The following GPR158 variants were observed in gnomAD, a reference collection of about 807,000 sequenced individuals.
GPR158 encodes the protein metabotropic glycine receptor.
In GPR158, 30 loss-of-function variants were observed where a neutral mutation model predicts 78.2. That is an observed-to-expected ratio of 0.38 (90% CI 0.29 to 0.52). GPR158 has a LOEUF of 0.52. GPR158 is among the 20% of genes least tolerant of loss of function. The probability of loss-of-function intolerance (pLI) is 0.83; values close to 1 mark genes in which losing one functional copy is unlikely to be tolerated. For synonymous variants in GPR158, 581 were observed against 591.1 expected (o/e 0.98, Z 0.25); for missense variants, 1,463 against 1,523.5 (o/e 0.96, Z 0.66).
intron 3 of GPR158, among the ~76,000 whole-genome samples, chr10:25,411,546 T>C (rs577114441): frequency 6.6e-6 from 1 of 152,296 alleles, no homozygotes; most frequent in African/African-American, 2.4e-5. Context: ...CATAAAAGCA[T>C]CAACTTTCTT....
chr10:25,471,186 C>T (rs1835495392), intron 5 of GPR158, among the ~76,000 whole-genome samples: 1 of 150,814 alleles, frequency 6.6e-6, no homozygotes, highest in Non-Finnish European at 1.5e-5. Context: ...TCAATTCCCA[C>T]CTGTGAGTGA....
At chr10:25,262,141 T>C (rs980544428) in intron 2 of GPR158, among the ~76,000 whole-genome samples, 2 of 152,132 alleles carry the variant, frequency 1.3e-5, no homozygotes, top group Non-Finnish European at 2.9e-5. Context: ...TTGATTTTAG[T>C]GTCTACAAGA....
intron 2 of GPR158, among the ~76,000 whole-genome samples, chr10:25,382,473 T>G (rs1834168939): frequency 2.0e-5 from 3 of 152,214 alleles, no homozygotes; most frequent in Admixed American, 6.5e-5. Context: ...TCCTCTCTTC[T>G]GCCCCCAACC....
At chr10:25,368,651 C>T (rs1275851916) in intron 2 of GPR158, among the ~76,000 whole-genome samples, 4 of 151,824 alleles carry the variant, frequency 2.6e-5, no homozygotes, top group African/African-American at 4.8e-5. Context: ...TAAATTTGTT[C>T]GGCCATTGTG....
chr10:25,262,535 A>T (rs930265272), intron 2 of GPR158, among the ~76,000 whole-genome samples: 1 of 152,210 alleles, frequency 6.6e-6, no homozygotes, highest in East Asian at 1.9e-4. Context: ...ATTTCTAGGC[A>T]TTTTTTGTTT....
intron 2 of GPR158, among the ~76,000 whole-genome samples, chr10:25,242,410 A>G (rs935593535): frequency 1.3e-5 from 2 of 152,240 alleles, no homozygotes; most frequent in African/African-American, 4.8e-5. Context: ...ACAAATCTCA[A>G]TATTTTCTGA....
intron 2 of GPR158, among the ~76,000 whole-genome samples, chr10:25,240,798 T>TCTTTCTTCCAAA (rs1853593792): frequency 1.3e-5 from 2 of 152,226 alleles, no homozygotes; most frequent in Admixed American, 6.5e-5. Flanking sequence ...ATCTATCAAT[T>TCTTTCTTCCAAA]GGGAGTAGAG....
At chr10:25,235,101 AAGCTG>A (rs1853502370) in intron 2 of GPR158, among the ~76,000 whole-genome samples, 1 of 152,178 alleles carries the variant, frequency 6.6e-6, no homozygotes, top group Non-Finnish European at 1.5e-5. Context: ...GTATGTGTTG[AAGCTG>A]AGCTTGAGTT....
At chr10:25,437,949 T>C (rs1338635773) in intron 4 of GPR158, among the ~76,000 whole-genome samples, 1 of 152,092 alleles carries the variant, frequency 6.6e-6, no homozygotes, top group Non-Finnish European at 1.5e-5. Flanking sequence ...AGGTTGAAAA[T>C]ACAGAGAAAC....
At chr10:25,423,744 A>G (rs1022993732) in intron 4 of GPR158, among the ~76,000 whole-genome samples, 19 of 152,128 alleles carry the variant, frequency 1.2e-4, no homozygotes, top group Non-Finnish European at 2.6e-4. Context: ...ATAGTATTCC[A>G]TGGTGTATAT....
chr10:25,473,139 A>G (rs1278371759), intron 5 of GPR158, among the ~76,000 whole-genome samples: 1 of 151,790 alleles, frequency 6.6e-6, no homozygotes, highest in African/African-American at 2.4e-5. Context: ...ATCAATACCT[A>G]ATTTATTGAG....
chr10:25,469,841 A>G (rs1401586969), intron 5 of GPR158, among the ~76,000 whole-genome samples: 3 of 149,266 alleles, frequency 2.0e-5, no homozygotes, highest in African/African-American at 4.9e-5. Context: ...GCCCCCCCCA[A>G]CATTCACTGC....
chr10:25,450,900 T>C (rs771271087), intron 4 of GPR158, among the ~76,000 whole-genome samples: 1 of 152,218 alleles, frequency 6.6e-6, no homozygotes, highest in Non-Finnish European at 1.5e-5. Flanking sequence ...CATACTCATA[T>C]CATGCCTTCA....
rs182028772 is a variant in GPR158 at position 25,279,662 on chromosome 10, A to G, written c.1008+58505A>G. 2.0e-5 allele frequency among the ~76,000 whole-genome samples: 3 copies of G among 152,330 alleles called. 1 individual carries two copies. The East Asian group carries it at 5.8e-4, about 29-fold the overall frequency. On this transcript the variant is annotated intron_variant, in intron 2 of 10. Transcript: ENST00000376351. ...CTGTTTAGTGACCTCGCAGCTACAC[A>G]GCTAGAGAAACAGTCTTCACAATGC...
chr10:25,583,178 A>G (rs1837225578), intron 7 of GPR158, among the ~76,000 whole-genome samples: 1 of 152,086 alleles, frequency 6.6e-6, no homozygotes, highest in Non-Finnish European at 1.5e-5. Context: ...CCCAGCCTCC[A>G]TTGTCCTAGT....
At chr10:25,325,811 G>A (rs904064066) in intron 2 of GPR158, among the ~76,000 whole-genome samples, 16 of 151,780 alleles carry the variant, frequency 1.1e-4, no homozygotes, top group Non-Finnish European at 2.1e-4. Context: ...TCTAACAAGT[G>A]TGAGGTGATA....
chr10:25,480,823 C>T (rs770850960), intron 5 of GPR158, among the ~76,000 whole-genome samples: 3 of 152,104 alleles, frequency 2.0e-5, no homozygotes, highest in Admixed American at 6.6e-5. Context: ...GGATGTTTAC[C>T]GTGTGCCTTT....
At chr10:25,554,700 A>G (rs893402302) in intron 6 of GPR158, among the ~76,000 whole-genome samples, 1 of 152,180 alleles carries the variant, frequency 6.6e-6, no homozygotes, top group African/African-American at 2.4e-5. Context: ...AAGGAAAATT[A>G]TAAAAGGGTC....
intron 4 of GPR158, among the ~76,000 whole-genome samples, chr10:25,437,212 G>T (rs1418294604): frequency 6.6e-6 from 1 of 152,062 alleles, no homozygotes; most frequent in Non-Finnish European, 1.5e-5. Flanking sequence ...CTCAAACTTA[G>T]TGTGAAATCC....
Sources: allele counts gnomAD v4.1 joint callset (sites outside exome capture counted in the v4.1 genomes callset), GRCh38; gene constraint gnomAD v4.1.1; transcripts MANE v1.5; gene names NCBI Gene and HGNC (gene_info 2026-07-23, HGNC 2026-07-21).